BEND2: variants seen among roughly 807,000 people sequenced by gnomAD.
The protein encoded by BEND2 is BEN domain containing 2, also known as BEN domain-containing protein 2.
BEND2 carries 19 observed loss-of-function variants against 43.8 expected under a neutral mutation model. The observed-to-expected ratio is 0.43, with a 90% CI of 0.30 to 0.64. The LOEUF is 0.64. BEND2 is among the 30% of genes least tolerant of loss of function. The pLI, the probability that BEND2 is intolerant of heterozygous loss-of-function variation, is 0.11. For missense variants in BEND2, 544 were observed against 574.0 expected, an observed-to-expected ratio of 0.95 and a Z score of 0.53; for synonymous variants, 226 against 210.1, an observed-to-expected ratio of 1.08 and a Z score of -0.66.
Position 18,203,899 on chromosome X carries a change from G to A in BEND2, c.509C>T (p.Ser170Leu). 8.3e-7 allele frequency: 1 copy of A among 1,203,413 alleles called. No homozygotes were observed. The highest frequency in any genetic ancestry group is 1.1e-6 in the Non-Finnish European group (1 of 889,356). Residue 170 changes from serine (S) to leucine (L), a missense_variant, in exon 5 of 14, where the codon TCA becomes TTA. Around this residue, in one of 2 missense-constraint regions of BEND2, gnomAD observed 501 missense variants for 501.6 expected, o/e 1.00. Coordinates refer to ENST00000380033, the MANE Select transcript of BEND2 (RefSeq NM_153346.5). ...FYTPEVQSSISPPAERQETHA... is the reference protein window; with the variant it reads ...FYTPEVQSSILPPAERQETHA... The stretch of plus-strand genomic sequence containing the variant: ...GGTTTCCTGCCTTTCCGCTGGTGGT[G>A]ATATGCTAGACTGTACCTATCCAGG...
rs1338397007 is a variant in BEND2, at chrX:18,177,709, T to C, written c.1490A>G (p.Gln497Arg). ...RVLKIHLLAV[Q>R]NMAKPKQAAC... The stretch of plus-strand genomic sequence containing the variant: ...TGCTTGCTTAGGTTTGGCCATATTT[T>C]GTACGGCCAGCAAATGGATTTTAAG... Residue 497 changes from glutamine to arginine, a missense_variant, in exon 10 of 14, where the codon CAA becomes CGA. Physicochemically the swap from Gln to Arg is conservative, Grantham distance 43 (BLOSUM62 1). Transcript: ENST00000380033. 2 of 1,209,159 alleles carry C rather than the reference T, an allele frequency of 1.7e-6. No individual in the cohort carries two copies. Among genetic ancestry groups the C allele is most frequent in the African/African-American group, 1.8e-5 (1 of 57,090 alleles).
At chrX:18,177,863 T>C in intron 9 of BEND2, 94 bp from the exon 10 acceptor site, 1 of 798,592 alleles carries the variant, frequency 1.3e-6, no homozygotes, top group Non-Finnish European at 1.8e-6. Context: ...TTATTTCTTC[T>C]TTTTCTTCAA....
chrX:18,206,824 C>G (rs1381493033), intron 4 of BEND2, among the ~76,000 whole-genome samples: 1 of 111,573 alleles, frequency 9.0e-6, no homozygotes, highest in Non-Finnish European at 1.9e-5. Context: ...CAACTGAGGG[C>G]GTCCTCCTCT....
At chrX:18,220,604 G>GT in intron 1 of BEND2, 122 bp downstream of exon 1, 1 of 1,011,685 alleles carries the variant, frequency 9.9e-7, no homozygotes, top group Non-Finnish European at 1.4e-6. Flanking sequence ...CCCCCGACAC[G>GT]CCCCGGTCAA....
Position 18,195,387 on chromosome X carries a change from A to G in BEND2, c.1089T>C (p.Asn363=). ...MPGTTETNVE[N]NSQTVYYPAL... ...CTGGGTAATACACTGTCTGAGAGTT[A>G]TTTTCCACGTTGGTTTCTGTTGTTC... The change falls in exon 7 of 14, where the codon AAT becomes AAC. Residue 363 remains asparagine (N), a synonymous_variant. Transcript: ENST00000380033. 2 of 1,208,844 alleles carry G rather than the reference A, an allele frequency of 1.7e-6. No individual in the cohort carries two copies. The highest frequency in any genetic ancestry group is 2.2e-6 in the Non-Finnish European group (2 of 894,100).
At chrX:18,175,717 T>A (rs191240744) in intron 11 of BEND2, among the ~76,000 whole-genome samples, 1 of 112,646 alleles carries the variant, frequency 8.9e-6, no homozygotes, top group Non-Finnish European at 1.9e-5. Flanking sequence ...ATTTTCCTAG[T>A]ATTATCCTTG....
chrX:18,212,474 G>C, intron 4 of BEND2, 91 bp downstream of exon 4: 2 of 626,718 alleles, frequency 3.2e-6, no homozygotes, highest in Non-Finnish European at 5.0e-6. Context: ...TTTACTGCAT[G>C]AAATTCAACT....
chrX:18,210,546 A>G (rs1925472090), intron 4 of BEND2, among the ~76,000 whole-genome samples: 1 of 112,116 alleles, frequency 8.9e-6, no homozygotes, highest in Non-Finnish European at 1.9e-5. Flanking sequence ...CATTTTCATC[A>G]AGCTTAACCA....
rs773075637 is a variant in BEND2 at position 18,163,074 on chromosome X, AAATTTTGAAGACAC to A, written c.*1921_*1934del. The A allele has an allele frequency of 1.3e-4, 15 of 112,355 alleles. No individual in the cohort carries two copies. Among genetic ancestry groups the A allele is most frequent in the African/African-American group, 3.6e-4 (11 of 30,984 alleles). 9.3% of individuals were successfully genotyped at this position (112,355 alleles called of 1,213,427 possible). A position where few individuals can be genotyped will look rare whatever the true frequency, so the allele number is the denominator to read the frequency against. On this transcript the variant is annotated 3_prime_UTR_variant, in exon 14 of 14. Coordinates refer to ENST00000380033, the MANE Select transcript of BEND2 (RefSeq NM_153346.5). ...AATACAGTAATAGTATTAACTTGTG[AAATTTTGAAGACAC>A]AATTTTGAAGACACAATTCCACTTT...
chrX:18,207,565 T>C (rs1359679728), intron 4 of BEND2, among the ~76,000 whole-genome samples: 2 of 112,094 alleles, frequency 1.8e-5, no homozygotes, highest in African/African-American at 6.5e-5. Flanking sequence ...CTACATTTGA[T>C]CAGTTATGGG....
At chrX:18,176,169 C>G (rs1261431738) in intron 10 of BEND2, 76 bp from the exon 11 acceptor site, 50 of 978,401 alleles carry the variant, frequency 5.1e-5, no homozygotes, top group Non-Finnish European at 6.2e-5. Context: ...TTTCTTTAAA[C>G]ACTGACTTTT....
intron 4 of BEND2, among the ~76,000 whole-genome samples, chrX:18,204,887 AATGTTCATATGTAACATAT>A (rs1377062974): frequency 1.9e-4 from 21 of 112,142 alleles, no homozygotes; most frequent in South Asian, 1.5e-3. Flanking sequence ...CTCACTTTAT[AATGTTCATATGTAACATAT>A]ATGTTCATAT....
intron 6 of BEND2, among the ~76,000 whole-genome samples, chrX:18,200,502 CAAAAAAAAAAA>C (rs397895069): frequency 2.6e-5 from 1 of 38,654 alleles, no homozygotes; most frequent in African/African-American, 9.7e-5. Context: ...GACTCTGTCT[CAAAAAAAAAAA>C]AAAAAAAAAG....
Position 18,205,292 on chromosome X carries a change from G to A in BEND2, c.493-1377C>T, listed in dbSNP as rs189829457. 1.4e-4 allele frequency among the ~76,000 whole-genome samples: 15 copies of A among 110,606 alleles called. No homozygotes were observed. The South Asian group carries it at 3.5e-3, about 26-fold the overall frequency. The stretch of plus-strand genomic sequence containing the variant: ...TGAAAGAAAGCTCCTAGCCAGGCAC[G>A]GTGGCTCATGCCTGTAATCCCAGCA... On this transcript the variant is annotated intron_variant, in intron 4 of 13. Coordinates refer to ENST00000380033, the MANE Select transcript of BEND2 (RefSeq NM_153346.5).
intron 11 of BEND2, among the ~76,000 whole-genome samples, chrX:18,175,211 G>A (rs936046745): frequency 1.8e-5 from 2 of 111,802 alleles, no homozygotes; most frequent in Admixed American, 9.5e-5. Flanking sequence ...AAATCAACCC[G>A]TTCACCAGGG....
At chrX:18,215,387 T>C (rs1925644868) in intron 2 of BEND2, among the ~76,000 whole-genome samples, 1 of 112,247 alleles carries the variant, frequency 8.9e-6, no homozygotes, top group Admixed American at 9.5e-5. Context: ...GCCCTGCATA[T>C]AGTTTTAAAA....
At chrX:18,212,301 G>A (rs1279409022) in intron 4 of BEND2, among the ~76,000 whole-genome samples, 1 of 109,496 alleles carries the variant, frequency 9.1e-6, no homozygotes, top group East Asian at 2.8e-4. Flanking sequence ...GTTTCACCAC[G>A]TTGGCCAGGC....
chrX:18,219,869 G>A (rs1925802324), intron 1 of BEND2, among the ~76,000 whole-genome samples: 1 of 111,655 alleles, frequency 9.0e-6, no homozygotes, highest in African/African-American at 3.3e-5. Context: ...TGGCGCCCCT[G>A]CACTCCCACC....
At chrX:18,220,314 C>T (rs1479158897) in intron 1 of BEND2, among the ~76,000 whole-genome samples, 1 of 112,437 alleles carries the variant, frequency 8.9e-6, no homozygotes, top group Non-Finnish European at 1.9e-5. Context: ...TCGCGAGCGC[C>T]GAGATTGTTT....
Sources: gnomAD v4.1 joint callset for allele counts (sites outside exome capture counted in the v4.1 genomes callset) on GRCh38, gnomAD v4.1.1 for gene constraint, gnomAD v4.1.1 regional missense constraint, MANE v1.5 for transcripts, NCBI Gene and HGNC (gene_info 2026-07-23, HGNC 2026-07-21) for gene names.